The following AGAP1 variants were observed in gnomAD, a reference collection of about 807,000 sequenced individuals.
AGAP1 encodes arf-GAP with GTPase, ANK repeat and PH domain-containing protein 1.
AGAP1 carries 29 observed loss-of-function variants against 105.3 expected under a neutral mutation model. The observed-to-expected ratio is 0.28, with a 90% confidence interval of 0.21 to 0.38. The LOEUF is 0.38. Among genes scored for constraint, AGAP1 ranks in the 10% least tolerant of loss-of-function variants. The pLI, the probability that AGAP1 is intolerant of heterozygous loss-of-function variation, is 1.00. For synonymous variants in AGAP1, 509 were observed against 485.9 expected (o/e 1.05, Z -0.63); for missense variants, 998 against 1,165.1 (o/e 0.86, Z 2.09).
chr2:236,091,148 G>T (rs922176441), intron 16 of AGAP1, among the ~76,000 whole-genome samples: 11 of 152,186 alleles, frequency 7.2e-5, no homozygotes, highest in Admixed American at 1.3e-4. Flanking sequence ...ATATCTGCAC[G>T]CATTTTTATG....
chr2:235,612,272 G>A lies in AGAP1; in HGVS notation c.164-96907G>A, dbSNP rs114380816. Among the ~76,000 whole-genome samples the A allele has an allele frequency of 6.9e-3, 1,057 of 152,288 alleles. 6 individuals are homozygous for A. The highest frequency in any genetic ancestry group is 0.024 in the African/African-American group (985 of 41,560). ...TACACCAGCACCTTTCATCTCAGGG[G>A]TGCTTGTGAATTGATTGCACCCCTC... On this transcript the variant is annotated intron_variant, in intron 1 of 17. Transcript: ENST00000304032. The surrounding 1 kb of genome is among the most constrained non-coding windows in gnomAD (Gnocchi z 4.3).
At chr2:235,671,458 C>T (rs1322594155) in intron 1 of AGAP1, among the ~76,000 whole-genome samples, 2 of 152,192 alleles carry the variant, frequency 1.3e-5, no homozygotes, top group African/African-American at 2.4e-5. Context: ...GTGCGGCTGC[C>T]TGGATGGGAG....
intron 1 of AGAP1, among the ~76,000 whole-genome samples, chr2:235,683,861 C>G (rs565599447): frequency 6.6e-6 from 1 of 151,586 alleles, no homozygotes; most frequent in East Asian, 1.9e-4. Context: ...CCCCGTCCCC[C>G]GCCCGGCCCC....
chr2:235,511,383 G>A (rs1361312122), intron 1 of AGAP1, among the ~76,000 whole-genome samples: 1 of 152,112 alleles, frequency 6.6e-6, no homozygotes, highest in East Asian at 1.9e-4. Flanking sequence ...TCTGAGCCAG[G>A]CCCTCAGGGA....
chr2:235,697,895 TC>T (rs1950069707), intron 1 of AGAP1, among the ~76,000 whole-genome samples: 1 of 152,172 alleles, frequency 6.6e-6, no homozygotes, highest in African/African-American at 2.4e-5. Context: ...TGTTCTCGTG[TC>T]TATCAACTTG....
intron 9 of AGAP1, among the ~76,000 whole-genome samples, chr2:235,869,420 TAAAAAAAAAAA>T (rs35813316): frequency 0.027 from 1,345 of 50,024 alleles, 39 homozygotes; most frequent in African/African-American, 0.079. Flanking sequence ...CCATCTCTAC[TAAAAAAAAAAA>T]AAAAAAAAAA....
At position 235,901,281 on chromosome 2, in the gene AGAP1, C is replaced by CT. The variant is rs879756278; in HGVS notation, c.1156-7445dup. 4.7e-3 allele frequency among the ~76,000 whole-genome samples: 690 copies of CT among 145,830 alleles called. 3 individuals carry two copies. Among genetic ancestry groups the CT allele is most frequent in the African/African-American group, 0.014 (549 of 40,130 alleles). On this transcript the variant is annotated intron_variant, in intron 10 of 17. Transcript: ENST00000304032. The surrounding 1 kb of genome is among the most constrained non-coding windows in gnomAD (Gnocchi z 4.3). Reference sequence around the variant, plus strand: ...ACTTTACAATGGCTTCTCTTACATACTTTTTTTTTTTTGAGCCCAGAAGTG... The same window carrying CT: ...ACTTTACAATGGCTTCTCTTACATACTTTTTTTTTTTTTGAGCCCAGAAGTG...
chr2:235,535,502 A>T lies in AGAP1; in HGVS notation c.163+40653A>T, dbSNP rs1943182746. Among the ~76,000 whole-genome samples the T allele has an allele frequency of 6.6e-6, 1 of 151,724 alleles. No individual in the cohort carries two copies. The highest frequency in any genetic ancestry group is 6.6e-5 in the Admixed American group (1 of 15,250). On this transcript the variant is annotated intron_variant, in intron 1 of 17. Coordinates refer to ENST00000304032, the MANE Select transcript of AGAP1 (RefSeq NM_001037131.3). This position sits in a 1 kb window ranked among gnomAD's most constrained non-coding sequence, Gnocchi z 5.1. ...GGTAGTATTTTGGATTTAAAAAAAA[A>T]AAAAACATGAAATGAAATCCGTGTC... is the stretch of plus-strand genomic sequence containing the variant.
At chr2:236,013,809 G>GCT (rs2056602345) in intron 13 of AGAP1, among the ~76,000 whole-genome samples, 2 of 152,220 alleles carry the variant, frequency 1.3e-5, no homozygotes, top group Non-Finnish European at 2.9e-5. Flanking sequence ...ACCTGGGGCT[G>GCT]TGCCTTTGCT....
At chr2:235,702,948 G>T (rs1384377537) in intron 1 of AGAP1, among the ~76,000 whole-genome samples, 1 of 10,600 alleles carries the variant, frequency 9.4e-5, no homozygotes, top group African/African-American at 3.5e-4. Context: ...TTTTTTTTTG[G>T]ACAGAGTCTG....
chr2:236,091,624 T>C (rs983681499), intron 16 of AGAP1, among the ~76,000 whole-genome samples: 1 of 152,000 alleles, frequency 6.6e-6, no homozygotes, highest in African/African-American at 2.4e-5. Context: ...AATACAAAAA[T>C]TAGCCGAGTG....
At position 235,855,080 on chromosome 2, in the gene AGAP1, C is replaced by T. The variant is rs773939776; in HGVS notation, c.1051-28265C>T. 3.9e-5 allele frequency among the ~76,000 whole-genome samples: 6 copies of T among 152,096 alleles called. No homozygotes were observed. Among genetic ancestry groups the T allele is most frequent in the Non-Finnish European group, 8.8e-5 (6 of 68,022 alleles). ...TAGGGTGACTAATGGACCCTTATTTCGTGAAGGAACAGAAAAGTAGAAAAG... is the reference window on the plus strand; with the variant it reads ...TAGGGTGACTAATGGACCCTTATTTTGTGAAGGAACAGAAAAGTAGAAAAG... On this transcript the variant is annotated intron_variant, in intron 9 of 17. Coordinates refer to ENST00000304032, the MANE Select transcript of AGAP1 (RefSeq NM_001037131.3). The surrounding 1 kb of genome is among the most constrained non-coding windows in gnomAD (Gnocchi z 5.0).
intron 11 of AGAP1, among the ~76,000 whole-genome samples, chr2:235,929,569 T>G (rs2052621008): frequency 6.6e-6 from 1 of 152,152 alleles, no homozygotes; most frequent in Admixed American, 6.5e-5. Flanking sequence ...TAATCGCTGA[T>G]TGGGTGTAGG....
rs199729717 is a variant in AGAP1 at position 235,971,741 on chromosome 2, T to TTTTATTTATTTA, written c.1645+3153_1645+3164dup. ...ACTAAAGCTAGTTATATATGTTTTA[T>TTTTATTTATTTA]TTTATTTATTTATTTATTTATTTAT... On this transcript the variant is annotated intron_variant, in intron 13 of 17. Coordinates refer to ENST00000304032, the MANE Select transcript of AGAP1 (RefSeq NM_001037131.3). The surrounding 1 kb of genome is among the most constrained non-coding windows in gnomAD (Gnocchi z 4.8). Among the ~76,000 whole-genome samples, 495 of 145,726 alleles carry TTTTATTTATTTA rather than the reference T, an allele frequency of 3.4e-3. 3 individuals are homozygous for TTTTATTTATTTA. The highest frequency in any genetic ancestry group is 9.9e-3 in the African/African-American group (385 of 38,922).
intron 1 of AGAP1, among the ~76,000 whole-genome samples, chr2:235,681,921 G>A (rs946033866): frequency 7.4e-6 from 1 of 135,212 alleles, no homozygotes; most frequent in Non-Finnish European, 1.5e-5. Flanking sequence ...CACAATCTCA[G>A]CTCACTGCAC....
intron 6 of AGAP1, among the ~76,000 whole-genome samples, chr2:235,770,133 C>CTTTTCTTTTTT (rs1955313734): frequency 7.3e-6 from 1 of 136,656 alleles, no homozygotes; most frequent in Non-Finnish European, 1.6e-5. Context: ...TTCTTTGTTT[C>CTTTTCTTTTTT]TTTTTTTTTT....
intron 16 of AGAP1, chr2:236,049,498 C>T (rs2057829390): frequency 4.1e-6 from 2 of 487,860 alleles, no homozygotes; most frequent in African/African-American, 3.9e-5. Context: ...GTTTTTAGGC[C>T]TGGGGATTTC....
intron 12 of AGAP1, among the ~76,000 whole-genome samples, chr2:235,935,936 A>ACCTG (rs766464337): frequency 7.1e-4 from 108 of 152,212 alleles, no homozygotes; most frequent in African/African-American, 6.3e-4. Flanking sequence ...CAGAGTGCTC[A>ACCTG]CCTGCCTGCC....
At chr2:236,034,812 G>A (rs953781791) in intron 13 of AGAP1, among the ~76,000 whole-genome samples, 2 of 152,358 alleles carry the variant, frequency 1.3e-5, no homozygotes, top group African/African-American at 2.4e-5. Flanking sequence ...CCAGGGCACA[G>A]TGGCTGTCAG....
Sources: allele counts gnomAD v4.1 joint callset (sites outside exome capture counted in the v4.1 genomes callset), GRCh38; gene constraint gnomAD v4.1.1; non-coding constraint Gnocchi (gnomAD v3.1); transcripts MANE v1.5; gene names NCBI Gene and HGNC (gene_info 2026-07-23, HGNC 2026-07-21).